U2SURP: variants seen among roughly 807,000 people sequenced by gnomAD.
U2SURP encodes U2 snRNP-associated SURP motif-containing protein.
Under a neutral mutation model 144.9 loss-of-function variants are expected in U2SURP, and 9 were observed. The ratio of observed to expected loss-of-function variants is 0.06; its 90% CI spans 0.04 to 0.11. U2SURP has a LOEUF of 0.11. Among genes scored for constraint, U2SURP ranks in the 10% least tolerant of loss-of-function variants. The probability of loss-of-function intolerance (pLI) is 1.00; values close to 1 mark genes in which losing one functional copy is unlikely to be tolerated. For synonymous variants in U2SURP, 408 were observed against 396.8 expected (o/e 1.03, Z -0.33); for missense variants, 724 against 1,226.7 (o/e 0.59, Z 6.12).
intron 7 of U2SURP, 41 bp downstream of exon 7, chr3:143,020,077 T>A (rs926440957): frequency 1.3e-5 from 16 of 1,257,102 alleles, no homozygotes; most frequent in Non-Finnish European, 1.7e-5. Flanking sequence ...ATAGGTGTAT[T>A]GAGCTGATAC....
chr3:143,048,444 C>T (rs1379571723), intron 24 of U2SURP, among the ~76,000 whole-genome samples: 1 of 152,212 alleles, frequency 6.6e-6, no homozygotes, highest in East Asian at 1.9e-4. Flanking sequence ...AGGCTTCACA[C>T]AGCGATGAAC....
At chr3:143,046,867 G>A (rs1934498726) in intron 24 of U2SURP, among the ~76,000 whole-genome samples, 1 of 126,250 alleles carries the variant, frequency 7.9e-6, no homozygotes, top group African/African-American at 3.4e-5. Context: ...GCCGGGTAGA[G>A]GGGCTCCTCA....
rs1281141381 is a variant in U2SURP, at chr3:143,046,974, C to T, written c.2544+3698C>T. Among the ~76,000 whole-genome samples, 136 of 84,290 alleles carry T rather than the reference C, an allele frequency of 1.6e-3. 4 individuals carry two copies. Among genetic ancestry groups the T allele is most frequent in the Admixed American group, 2.9e-3 (24 of 8,406 alleles). 55.3% of individuals were successfully genotyped at this position (84,290 alleles called of 152,430 possible). The stretch of plus-strand genomic sequence containing the variant: ...TGACCTCCCCCACCTCCCTCCCGGA[C>T]GGGGCGGCTGGCCGGGCGGGGGGCT... On this transcript the variant is annotated intron_variant, in intron 24 of 27. Coordinates refer to ENST00000473835, the MANE Select transcript of U2SURP (RefSeq NM_001080415.2).
chr3:143,003,852 C>G (rs1289871533), intron 1 of U2SURP, among the ~76,000 whole-genome samples: 1 of 151,616 alleles, frequency 6.6e-6, no homozygotes, highest in Non-Finnish European at 1.5e-5. Flanking sequence ...CCAGTACGCC[C>G]GGCTAATTTT....
At position 143,059,375 on chromosome 3, in the gene U2SURP, A is replaced by G. The variant is rs1171936736; in HGVS notation, c.*2925A>G. 6.6e-6 allele frequency: 1 copy of G among 152,356 alleles called. No homozygotes were observed. Among genetic ancestry groups the G allele is most frequent in the Non-Finnish European group, 1.5e-5 (1 of 67,842 alleles). 9.4% of individuals were successfully genotyped at this position (152,356 alleles called of 1,614,324 possible). On this transcript the variant is annotated 3_prime_UTR_variant, in exon 28 of 28. Coordinates refer to ENST00000473835, the MANE Select transcript of U2SURP (RefSeq NM_001080415.2). ...CCAATTAGTGAATCTTGGAGGGAAT[A>G]CTTGCTTATTTATGACTTAGGTATT...
chr3:143,004,964 C>T (rs1376684196), intron 1 of U2SURP, among the ~76,000 whole-genome samples: 1 of 151,916 alleles, frequency 6.6e-6, no homozygotes. Context: ...AAGCATATTT[C>T]CTTAGAATTT....
At chr3:143,051,899 A>G (rs1166101210) in intron 25 of U2SURP, among the ~76,000 whole-genome samples, 3 of 151,958 alleles carry the variant, frequency 2.0e-5, no homozygotes, top group Admixed American at 6.6e-5. Flanking sequence ...TATTACTGTT[A>G]CTCTTCATTA....
chr3:143,020,784 GTGGA>G, intron 8 of U2SURP, 91 bp downstream of exon 8: 2 of 933,110 alleles, frequency 2.1e-6, no homozygotes, highest in Non-Finnish European at 1.7e-6. Flanking sequence ...AGGATCACCA[GTGGA>G]TGTCTGAAAC....
At chr3:143,022,458 C>A (rs1299407345) in intron 10 of U2SURP, 39 bp from the exon 11 acceptor site, 3 of 1,419,660 alleles carry the variant, frequency 2.1e-6, no homozygotes, top group East Asian at 4.9e-5. Flanking sequence ...TTTCTTTTCC[C>A]TTTTTTGCAT....
intron 10 of U2SURP, among the ~76,000 whole-genome samples, chr3:143,021,958 AT>A (rs1328082666): frequency 1.3e-5 from 2 of 152,042 alleles, no homozygotes; most frequent in African/African-American, 4.8e-5. Context: ...GTTAATTATG[AT>A]ATGGGGAATG....
chr3:143,002,750 G>A (rs911751421), intron 1 of U2SURP, among the ~76,000 whole-genome samples: 1 of 152,146 alleles, frequency 6.6e-6, no homozygotes, highest in Non-Finnish European at 1.5e-5. Flanking sequence ...TCTCTAATCC[G>A]ACTGTTTATG....
chr3:143,046,266 CTTT>C (rs1256140654), intron 24 of U2SURP, among the ~76,000 whole-genome samples: 4 of 67,234 alleles, frequency 5.9e-5, no homozygotes, highest in African/African-American at 2.1e-4. Flanking sequence ...GAAGCCAGTT[CTTT>C]TTTTTTTTTT....
At chr3:143,052,726 A>G (rs1283810980) in intron 25 of U2SURP, among the ~76,000 whole-genome samples, 2 of 152,238 alleles carry the variant, frequency 1.3e-5, no homozygotes, top group East Asian at 3.8e-4. Flanking sequence ...GTGTTTGCCA[A>G]CATCTGGTAT....
At chr3:143,002,889 GT>G (rs199543997) in intron 1 of U2SURP, among the ~76,000 whole-genome samples, 1 of 151,876 alleles carries the variant, frequency 6.6e-6, no homozygotes, top group African/African-American at 2.4e-5. Context: ...TATTGTGTCA[GT>G]TTTTTTTCCC....
At chr3:143,047,710 C>A (rs557789269) in intron 24 of U2SURP, among the ~76,000 whole-genome samples, 22 of 63,670 alleles carry the variant, frequency 3.5e-4, no homozygotes, top group South Asian at 1.6e-3. Flanking sequence ...CGGGCAGAGG[C>A]GCCCCTCACC....
intron 24 of U2SURP, among the ~76,000 whole-genome samples, chr3:143,048,454 C>CTTAG (rs1934661620): frequency 6.6e-6 from 1 of 152,206 alleles, no homozygotes; most frequent in Non-Finnish European, 1.5e-5. Context: ...CAGCGATGAA[C>CTTAG]TTAGCTATTT....
chr3:143,017,208 C>G, intron 6 of U2SURP: 1 of 363,266 alleles, frequency 2.8e-6, no homozygotes, highest in Non-Finnish European at 4.9e-6. Context: ...GCTATTTATG[C>G]TCATAATATA....
intron 23 of U2SURP, among the ~76,000 whole-genome samples, chr3:143,040,855 T>G (rs146046862): frequency 1.3e-5 from 2 of 152,020 alleles, no homozygotes; most frequent in African/African-American, 4.8e-5. Context: ...TTCAGCCATC[T>G]AGACCCTTTC....
intron 16 of U2SURP, among the ~76,000 whole-genome samples, chr3:143,028,895 T>A (rs184245021): frequency 5.9e-5 from 9 of 152,316 alleles, no homozygotes; most frequent in Admixed American, 4.6e-4. Flanking sequence ...TTGACTTATT[T>A]CTTTAGCATT....
Sources: gnomAD v4.1 joint callset for allele counts (sites outside exome capture counted in the v4.1 genomes callset) on GRCh38, gnomAD v4.1.1 for gene constraint, MANE v1.5 for transcripts, NCBI Gene and HGNC (gene_info 2026-07-23, HGNC 2026-07-21) for gene names.